Variants in CDKL3 observed in about 807,000 individuals in gnomAD.
The protein encoded by CDKL3 is cyclin dependent kinase like 3.
CDKL3 carries 65 observed loss-of-function variants against 69.3 expected under a neutral mutation model. The ratio of observed to expected loss-of-function variants is 0.94; its 90% CI spans 0.77 to 1.15. CDKL3 has a LOEUF of 1.15. Among genes scored for constraint, CDKL3 ranks in the 50% most tolerant of loss-of-function variants. CDKL3 has a pLI of 0.00. For missense variants in CDKL3, 652 were observed against 689.2 expected, an observed-to-expected ratio of 0.95 and a Z score of 0.61; for synonymous variants, 202 against 221.6, an observed-to-expected ratio of 0.91 and a Z score of 0.79.
rs759947480 is a variant in CDKL3, at chr5:134,319,365, A to G, written c.785T>C (p.Ile262Thr). The change falls in exon 6 of 13, where the codon ATA (isoleucine) becomes ACA (threonine). Residue 262 changes from isoleucine (I) to threonine (T), a missense_variant. By Grantham distance (89) the Ile-to-Thr change is moderately conservative. Coordinates refer to ENST00000265334, the MANE Select transcript of CDKL3 (RefSeq NM_001113575.2). ...AAAAAAAAAAAAACATACATGAACT[A>G]TATCTGCCAACAATCCATTAAGCTT... ...YPKLNGLLAD[I>T]VHACLQIDPA... The G allele has an allele frequency of 6.3e-5, 96 of 1,514,444 alleles. No homozygotes were observed. The highest frequency in any genetic ancestry group is 5.1e-4 in the Middle Eastern group (3 of 5,850). The allele number at this position is 1,514,444 out of a possible 1,614,324, so 93.8% of individuals were successfully genotyped here.
intron 7 of CDKL3, among the ~76,000 whole-genome samples, chr5:134,310,082 C>T (rs867038618): frequency 5.9e-5 from 9 of 152,196 alleles, no homozygotes; most frequent in Non-Finnish European, 1.2e-4. Flanking sequence ...CCGCCTGCTT[C>T]GGCCTTCCAA....
intron 12 of CDKL3, among the ~76,000 whole-genome samples, chr5:134,301,017 C>T (rs777688249): frequency 1.3e-5 from 2 of 149,858 alleles, no homozygotes; most frequent in African/African-American, 2.5e-5. Flanking sequence ...TTTTTTTAAA[C>T]GGAGTTTCAC....
intron 11 of CDKL3, among the ~76,000 whole-genome samples, 173 bp from the exon 12 acceptor site, chr5:134,302,860 T>C (rs1017433927): frequency 6.6e-6 from 1 of 152,174 alleles, no homozygotes; most frequent in African/African-American, 2.4e-5. Context: ...ATTTGTTTTA[T>C]AACTTTACAA....
intron 11 of CDKL3, among the ~76,000 whole-genome samples, chr5:134,303,433 A>C (rs539706996): frequency 6.6e-6 from 1 of 152,306 alleles, no homozygotes; most frequent in East Asian, 1.9e-4. Context: ...AATTTCTGCT[A>C]CTATATGGGT....
intron 4 of CDKL3, among the ~76,000 whole-genome samples, chr5:134,340,737 A>C (rs1750282266): frequency 1.3e-5 from 2 of 152,168 alleles, no homozygotes; most frequent in African/African-American, 4.8e-5. Flanking sequence ...ACTACCCGCA[A>C]AGAAAAGCCC....
chr5:134,290,114 G>C (rs326613), intron 8 of CDKL3, among the ~76,000 whole-genome samples: 2 of 152,080 alleles, frequency 1.3e-5, no homozygotes, highest in African/African-American at 4.8e-5. Flanking sequence ...CCAGCACTTT[G>C]GGAGGCTGAG....
chr5:134,305,565 A>T (rs1182796689), intron 10 of CDKL3, among the ~76,000 whole-genome samples: 2 of 152,234 alleles, frequency 1.3e-5, no homozygotes, highest in Admixed American at 6.5e-5. Flanking sequence ...GAAAAAATGT[A>T]TTGCACATCC....
chr5:134,342,834 A>G (rs2149569575), intron 4 of CDKL3, among the ~76,000 whole-genome samples: 1 of 152,294 alleles, frequency 6.6e-6, no homozygotes, highest in East Asian at 1.9e-4. Flanking sequence ...AATAGCCAAA[A>G]CAATCTTGGA....
chr5:134,311,274 C>T (rs189350594), intron 7 of CDKL3, among the ~76,000 whole-genome samples: 3 of 152,152 alleles, frequency 2.0e-5, no homozygotes, highest in Non-Finnish European at 2.9e-5. Context: ...GAGGCCAAGG[C>T]GGGTGGATCA....
At chr5:134,354,998 T>TA (rs1385577598) in intron 3 of CDKL3, among the ~76,000 whole-genome samples, 4 of 151,060 alleles carry the variant, frequency 2.6e-5, no homozygotes, top group African/African-American at 9.8e-5. Flanking sequence ...CTCATGCCTA[T>TA]AATCCCAGCA....
chr5:134,328,833 T>C (rs1775030724), intron 4 of CDKL3, among the ~76,000 whole-genome samples: 1 of 152,148 alleles, frequency 6.6e-6, no homozygotes, highest in Non-Finnish European at 1.5e-5. Context: ...TGGAGACCAG[T>C]AGATAGTGGT....
intron 4 of CDKL3, among the ~76,000 whole-genome samples, chr5:134,349,081 G>C (rs1255675959): frequency 6.6e-6 from 1 of 152,130 alleles, no homozygotes; most frequent in Non-Finnish European, 1.5e-5. Context: ...CTGTGTCTTA[G>C]TGTTCTACTG....
intron 5 of CDKL3, among the ~76,000 whole-genome samples, chr5:134,321,002 ATTC>A (rs1372224840): frequency 4.2e-5 from 6 of 144,346 alleles, no homozygotes; most frequent in South Asian, 2.1e-4. Context: ...CATCAAACAT[ATTC>A]TTTTTTTTTT....
chr5:134,310,805 T>C (rs1561523607), intron 7 of CDKL3, among the ~76,000 whole-genome samples: 1 of 152,200 alleles, frequency 6.6e-6, no homozygotes, highest in African/African-American at 2.4e-5. Flanking sequence ...TTTAAATATA[T>C]CATCTTATTG....
chr5:134,310,977 G>A (rs948127998), intron 7 of CDKL3, among the ~76,000 whole-genome samples: 10 of 152,044 alleles, frequency 6.6e-5, no homozygotes, highest in African/African-American at 1.9e-4. Context: ...TCTTTCTAAC[G>A]TCACGTCCAA....
At chr5:134,304,228 T>A (rs1338347394) in intron 11 of CDKL3, among the ~76,000 whole-genome samples, 177 bp downstream of exon 11, 1 of 152,170 alleles carries the variant, frequency 6.6e-6, no homozygotes, top group Non-Finnish European at 1.5e-5. Context: ...TTTAAAATTA[T>A]CTCCTTAAAA....
chr5:134,346,349 T>C (rs570598323), intron 4 of CDKL3, among the ~76,000 whole-genome samples: 2 of 152,192 alleles, frequency 1.3e-5, no homozygotes, highest in Non-Finnish European at 2.9e-5. Context: ...AATCAGACAG[T>C]GTTCTCCCTG....
intron 4 of CDKL3, among the ~76,000 whole-genome samples, chr5:134,337,436 A>G (rs2149546915): frequency 6.6e-6 from 1 of 152,360 alleles, no homozygotes; most frequent in East Asian, 1.9e-4. Flanking sequence ...CTTCTGCATT[A>G]GTCTTGCTGG....
chr5:134,307,437 G>A (rs989161859), intron 9 of CDKL3, among the ~76,000 whole-genome samples: 4 of 152,180 alleles, frequency 2.6e-5, no homozygotes, highest in African/African-American at 9.7e-5. Flanking sequence ...GGACTGACAT[G>A]GACATGTCCA....
Sources: allele counts gnomAD v4.1 joint callset (sites outside exome capture counted in the v4.1 genomes callset), GRCh38; gene constraint gnomAD v4.1.1; transcripts MANE v1.5; gene names NCBI Gene and HGNC (gene_info 2026-07-23, HGNC 2026-07-21).